PADI4: variants seen among roughly 807,000 people sequenced by gnomAD.
The protein encoded by PADI4 is protein-arginine deiminase type-4.
A neutral mutation model predicts 75.0 loss-of-function variants in PADI4; 62 were observed. That is an observed-to-expected ratio of 0.83 (90% confidence interval 0.67 to 1.02). The LOEUF (loss-of-function observed/expected upper bound fraction) is 1.02. Among genes scored for constraint, PADI4 ranks in the 50% least tolerant of loss-of-function variants. The pLI, the probability that PADI4 is intolerant of heterozygous loss-of-function variation, is 0.00. For missense variants in PADI4, 845 were observed against 850.5 expected, an observed-to-expected ratio of 0.99 and a Z score of 0.08; for synonymous variants, 361 against 348.1, an observed-to-expected ratio of 1.04 and a Z score of -0.41.
At chr1:17,308,375 C>A in intron 1 of PADI4, 61 bp downstream of exon 1, 1 of 1,296,104 alleles carries the variant, frequency 7.7e-7, no homozygotes, top group Non-Finnish European at 1.1e-6. Flanking sequence ...TGACCCAGTT[C>A]TACTGACACA....
chr1:17,363,707 C>A lies in PADI4; in HGVS notation c.1944C>A (p.Asn648Lys). 6.2e-7 allele frequency: 1 copy of A among 1,614,160 alleles called. No homozygotes were observed. Among genetic ancestry groups the A allele is most frequent in the African/African-American group, 1.3e-5 (1 of 75,080 alleles). The change falls in exon 16 of 16, where the codon AAC (asparagine) becomes AAA (lysine). Residue 648 changes from asparagine (N) to lysine (K), a missense_variant. Physicochemically the swap from Asn to Lys is moderately conservative, Grantham distance 94 (BLOSUM62 0). Coordinates refer to ENST00000375448, the MANE Select transcript of PADI4 (RefSeq NM_012387.3). ...ATGGGGAGGTGCACTGCGGCACCAACGTGCGCAGAAAGCCCTTCTCCTTCA... is the reference window on the plus strand; with the variant it reads ...ATGGGGAGGTGCACTGCGGCACCAAAGTGCGCAGAAAGCCCTTCTCCTTCA... ...IRHGEVHCGT[N>K]VRRKPFSFKW...
At chr1:17,309,250 CT>C (rs1265687103) in intron 1 of PADI4, among the ~76,000 whole-genome samples, 2 of 151,332 alleles carry the variant, frequency 1.3e-5, no homozygotes, top group South Asian at 2.1e-4. Context: ...CTTATTGCTC[CT>C]CTTTTTCCAG....
chr1:17,353,019 T>C (rs1330067352), intron 10 of PADI4, among the ~76,000 whole-genome samples: 3 of 152,172 alleles, frequency 2.0e-5, no homozygotes, highest in African/African-American at 7.2e-5. Context: ...CAGGGGCTTC[T>C]GAGGGGAAGG....
chr1:17,335,318 G>C (rs1016471366), intron 3 of PADI4, among the ~76,000 whole-genome samples: 1 of 152,132 alleles, frequency 6.6e-6, no homozygotes, highest in African/African-American at 2.4e-5. Context: ...CAACAATCCA[G>C]TGAAATTGGT....
In PADI4 at chr1:17,363,765, CCCTGGCGTCCTCTCCCT is replaced by C; in HGVS notation, c.*17_*33del. 1 of 1,582,556 alleles carries C rather than the reference CCCTGGCGTCCTCTCCCT, an allele frequency of 6.3e-7. No individual in the cohort carries two copies. The highest frequency in any genetic ancestry group is 8.7e-7 in the Non-Finnish European group (1 of 1,151,666). ...GAACATGGTGCCCTGAGCCCATCTT[CCCTGGCGTCCTCTCCCT>C]CCTGGCCAGATGTCGCTGGGTCCTC... On this transcript the variant is annotated 3_prime_UTR_variant, in exon 16 of 16. Coordinates refer to ENST00000375448, the MANE Select transcript of PADI4 (RefSeq NM_012387.3).
intron 4 of PADI4, among the ~76,000 whole-genome samples, chr1:17,337,237 C>T (rs1476813810): frequency 6.6e-6 from 1 of 152,172 alleles, no homozygotes; most frequent in Non-Finnish European, 1.5e-5. Context: ...CCTCCGCCTC[C>T]CAGGTTCAAG....
chr1:17,309,583 C>T (rs2073767151), intron 1 of PADI4, among the ~76,000 whole-genome samples: 2 of 152,234 alleles, frequency 1.3e-5, no homozygotes, highest in Admixed American at 1.3e-4. Context: ...TATCCTGCAA[C>T]AATTGCTGTT....
At chr1:17,336,990 G>C (rs1307282725) in intron 4 of PADI4, among the ~76,000 whole-genome samples, 1 of 152,202 alleles carries the variant, frequency 6.6e-6, no homozygotes, top group Non-Finnish European at 1.5e-5. Flanking sequence ...TTAATCTCTA[G>C]GCAGATATTA....
At chr1:17,322,240 C>T (rs1205602148) in intron 1 of PADI4, among the ~76,000 whole-genome samples, 1 of 152,196 alleles carries the variant, frequency 6.6e-6, no homozygotes, top group Non-Finnish European at 1.5e-5. Context: ...GTAATCCCAA[C>T]ACTTTGGGAG....
intron 1 of PADI4, among the ~76,000 whole-genome samples, chr1:17,319,439 T>G (rs1205075722): frequency 6.6e-6 from 1 of 152,134 alleles, no homozygotes; most frequent in Non-Finnish European, 1.5e-5. Flanking sequence ...GGTGATGGCA[T>G]GTACCTGTGG....
At chr1:17,339,590 C>T (rs757571489) in intron 5 of PADI4, 98 bp from the exon 6 acceptor site, 526 of 1,256,182 alleles carry the variant, frequency 4.2e-4, no homozygotes, top group Middle Eastern at 7.6e-4. Flanking sequence ...CTCAGGGGAG[C>T]GGTGGGGTGT....
At chr1:17,355,244 T>C (rs2074739844) in intron 11 of PADI4, among the ~76,000 whole-genome samples, 1 of 152,178 alleles carries the variant, frequency 6.6e-6, no homozygotes, top group Admixed American at 6.5e-5. Flanking sequence ...AAGGCCAGGA[T>C]GGCTAGAACC....
chr1:17,317,903 A>C (rs997150754), intron 1 of PADI4, among the ~76,000 whole-genome samples: 1 of 152,204 alleles, frequency 6.6e-6, no homozygotes, highest in African/African-American at 2.4e-5. Flanking sequence ...GTGTGCCTGT[A>C]GTCCCAGCTA....
rs779742562 is a variant in PADI4, at chr1:17,356,417, A to C, written c.1516A>C (p.Asn506His). Residue 506 changes from asparagine (N) to histidine (H), a missense_variant, in exon 13 of 16, where the codon AAT (asparagine) becomes CAT (histidine). Transcript: ENST00000375448. This position sits in a 1 kb window ranked among gnomAD's most constrained non-coding sequence, Gnocchi z 4.1. ...SCYKLFQEQQ[N>H]EGHGEALLFE... Reference sequence around the variant, plus strand: ...CTACAAACTGTTCCAGGAGCAGCAGAATGAGGGCCACGGGGAGGCCCTGCT... The same window carrying C: ...CTACAAACTGTTCCAGGAGCAGCAGCATGAGGGCCACGGGGAGGCCCTGCT... 6.2e-7 allele frequency: 1 copy of C among 1,613,606 alleles called. No homozygotes were observed. Among genetic ancestry groups the C allele is most frequent in the Non-Finnish European group, 8.5e-7 (1 of 1,179,652 alleles).
rs1553143295 is a variant in PADI4 at position 17,322,493 on chromosome 1, C to CAAAAAA, written c.93-8472_93-8467dup. ...GACAGAGTGAGACTCCATCCCCCCCCAAAAAAAAAGATAAGCTATAAATGT... is the reference window on the plus strand; with the variant it reads ...GACAGAGTGAGACTCCATCCCCCCCCAAAAAAAAAAAAAAAGATAAGCTATAAATGT... On this transcript the variant is annotated intron_variant, in intron 1 of 15. Transcript: ENST00000375448. 4.3e-3 allele frequency among the ~76,000 whole-genome samples: 644 copies of CAAAAAA among 149,598 alleles called. 5 individuals are homozygous for CAAAAAA. Among genetic ancestry groups the CAAAAAA allele is most frequent in the African/African-American group, 0.015 (605 of 40,674 alleles).
Position 17,339,684 on chromosome 1 carries a change from C to A in PADI4, c.527-4C>A, listed in dbSNP as rs758840715. 1.9e-6 allele frequency: 3 copies of A among 1,613,704 alleles called. No homozygotes were observed. In the African/African-American group the frequency reaches 4.0e-5, roughly 22 times the overall value. On this transcript the variant is annotated splice_polypyrimidine_tract_variant and splice_region_variant and intron_variant, in intron 5 of 15. Coordinates refer to ENST00000375448, the MANE Select transcript of PADI4 (RefSeq NM_012387.3). ...TGACTCAGGCAATGCCCTTCTCATC[C>A]CAGACCTGCAGGACATGTCGCTGAT...
intron 1 of PADI4, among the ~76,000 whole-genome samples, chr1:17,309,813 C>T (rs1407280546): frequency 6.6e-6 from 1 of 152,218 alleles, no homozygotes; most frequent in Non-Finnish European, 1.5e-5. Context: ...AATCACCTGA[C>T]ATCATCTGAG....
chr1:17,358,835 C>A lies in PADI4; in HGVS notation c.1559-3C>A. On this transcript the variant is annotated splice_region_variant and splice_polypyrimidine_tract_variant and intron_variant, in intron 13 of 15. Coordinates refer to ENST00000375448, the MANE Select transcript of PADI4 (RefSeq NM_012387.3). ...GCCTTTTTTTTCTTTTTCTCCATGA[C>A]AGAAAAAAAACAGCAGAAAATAAAG... is the stretch of plus-strand genomic sequence containing the variant. 1 of 1,589,924 alleles carries A rather than the reference C, an allele frequency of 6.3e-7. No homozygotes were observed. The highest frequency in any genetic ancestry group is 1.3e-5 in the African/African-American group (1 of 74,078).
At chr1:17,317,967 T>C (rs907920814) in intron 1 of PADI4, among the ~76,000 whole-genome samples, 1 of 152,214 alleles carries the variant, frequency 6.6e-6, no homozygotes, top group African/African-American at 2.4e-5. Flanking sequence ...AAGTCTGCCG[T>C]GAGCCATGAT....
Sources: allele counts gnomAD v4.1 joint callset (sites outside exome capture counted in the v4.1 genomes callset), GRCh38; gene constraint gnomAD v4.1.1; non-coding constraint Gnocchi (gnomAD v3.1); transcripts MANE v1.5; gene names NCBI Gene and HGNC (gene_info 2026-07-23, HGNC 2026-07-21).